The following BRD4 variants were observed in gnomAD, a reference collection of about 807,000 sequenced individuals.
BRD4 encodes the protein bromodomain containing 4.
BRD4 carries 16 observed loss-of-function variants against 142.1 expected under a neutral mutation model. That is an observed-to-expected ratio of 0.11 (90% CI 0.08 to 0.17). The LOEUF is 0.17. BRD4 is among the 10% of genes least tolerant of loss of function. BRD4 has a pLI of 1.00. For missense variants in BRD4, 1,424 were observed against 1,810.9 expected (o/e 0.79, Z 3.88); for synonymous variants, 833 against 707.5 (o/e 1.18, Z -2.82).
At chr19:15,298,780 C>G (rs1483880323) in intron 1 of BRD4, among the ~76,000 whole-genome samples, 1 of 152,036 alleles carries the variant, frequency 6.6e-6, no homozygotes, top group African/African-American at 2.4e-5. Context: ...TTCCCACAAC[C>G]AGAAAATCAG....
chr19:15,239,327 G>A lies in BRD4; in HGVS notation c.3577-63C>T, dbSNP rs775025837. The A allele has an allele frequency of 6.2e-7, 1 of 1,614,074 alleles. No homozygotes were observed. The highest frequency in any genetic ancestry group is 2.2e-5 in the East Asian group (1 of 44,860). ...CTGTGCCTAAAGGGCATAGCTGGGG[G>A]TGTGCCCAGCATGGCACCTTCCAGG... On this transcript the variant is annotated intron_variant, in intron 17 of 19. Transcript: ENST00000679869. The surrounding 1 kb of genome is among the most constrained non-coding windows in gnomAD (Gnocchi z 7.4).
intron 1 of BRD4, among the ~76,000 whole-genome samples, chr19:15,325,384 G>A (rs1599533245): frequency 6.6e-6 from 1 of 152,166 alleles, no homozygotes; most frequent in African/African-American, 2.4e-5. Flanking sequence ...CCTCCCTAGA[G>A]CATTCCAGTT....
At chr19:15,278,474 G>A (rs2047673322) in intron 1 of BRD4, among the ~76,000 whole-genome samples, 1 of 146,660 alleles carries the variant, frequency 6.8e-6, no homozygotes, top group Non-Finnish European at 1.5e-5. Context: ...GGTGGAGGTT[G>A]CAGTGAGCAG....
At chr19:15,259,234 A>G (rs1202626757) in intron 7 of BRD4, among the ~76,000 whole-genome samples, 2 of 152,168 alleles carry the variant, frequency 1.3e-5, no homozygotes, top group East Asian at 3.9e-4. Context: ...TGGGCCTCAG[A>G]AGTGCCAGGA....
At chr19:15,325,546 C>G (rs922621002) in intron 1 of BRD4, among the ~76,000 whole-genome samples, 2 of 152,188 alleles carry the variant, frequency 1.3e-5, no homozygotes, top group African/African-American at 2.4e-5. Context: ...ATTTTGTTTT[C>G]ATACATCATC....
At chr19:15,253,817 C>T (rs746840452) in intron 11 of BRD4, 3 of 1,551,474 alleles carry the variant, frequency 1.9e-6, no homozygotes, top group Non-Finnish European at 1.7e-6. Context: ...AACAGCACAG[C>T]CTGGACCCCC....
At chr19:15,284,673 G>A (rs768320749) in intron 1 of BRD4, among the ~76,000 whole-genome samples, 1 of 152,188 alleles carries the variant, frequency 6.6e-6, no homozygotes, top group Non-Finnish European at 1.5e-5. Context: ...CACATTCAGT[G>A]TCTACTTCTG....
rs2047268977 is a variant in BRD4 at position 15,244,607 on chromosome 19, A to T, written c.2212-7T>A. On this transcript the variant is annotated splice_polypyrimidine_tract_variant and splice_region_variant and intron_variant, in intron 12 of 19. Transcript: ENST00000679869. The stretch of plus-strand genomic sequence containing the variant: ...GATGGTGGTGATGATGGTGCTGCAG[A>T]CAGAGAGACAGACAGACAGACAGGC... 1 of 1,612,716 alleles carries T rather than the reference A, an allele frequency of 6.2e-7. No homozygotes were observed. Among genetic ancestry groups the T allele is most frequent in the African/African-American group, 1.3e-5 (1 of 74,882 alleles).
chr19:15,305,625 T>A (rs1254837820), intron 1 of BRD4, among the ~76,000 whole-genome samples: 1 of 152,220 alleles, frequency 6.6e-6, no homozygotes, highest in Non-Finnish European at 1.5e-5. Context: ...GCAGAGTAGA[T>A]TTAGCATAAT....
chr19:15,281,796 T>C (rs973667021), intron 1 of BRD4, among the ~76,000 whole-genome samples: 5 of 152,118 alleles, frequency 3.3e-5, no homozygotes, highest in African/African-American at 7.2e-5. Flanking sequence ...GGCGGGTGGA[T>C]TGCCTGAGTT....
At position 15,238,401 on chromosome 19, in the gene BRD4, T is replaced by C; in HGVS notation, c.4065A>G (p.Ser1355=). Residue 1355 remains serine (S), a synonymous_variant, in exon 20 of 20, where the codon TCA becomes TCG. Transcript: ENST00000679869. The surrounding 1 kb of genome is among the most constrained non-coding windows in gnomAD (Gnocchi z 7.2). ...CTCAGAAAAGATTTTCTTCAAATAT[T>C]GACAATAGATCACTCTGGAAATTCA... The part of the protein sequence containing the change: ...IDMNFQSDLL[S]IFEENLF The C allele has an allele frequency of 1.2e-6, 2 of 1,614,106 alleles. No individual in the cohort carries two copies. The highest frequency in any genetic ancestry group is 1.1e-5 in the South Asian group (1 of 91,084).
intron 1 of BRD4, among the ~76,000 whole-genome samples, chr19:15,312,537 CAGG>C (rs2047980695): frequency 6.6e-6 from 1 of 152,092 alleles, no homozygotes; most frequent in Non-Finnish European, 1.5e-5. Context: ...GAGGCTGAGG[CAGG>C]AGAATTGCTT....
chr19:15,306,849 T>A (rs2047918402), intron 1 of BRD4, among the ~76,000 whole-genome samples: 2 of 152,104 alleles, frequency 1.3e-5, no homozygotes, highest in African/African-American at 4.8e-5. Flanking sequence ...TCACGAATCA[T>A]AACAGATATA....
rs201096850 is a variant in BRD4 at position 15,237,881 on chromosome 19, C to T, written c.*496G>A. 44 of 237,428 alleles carry T rather than the reference C, an allele frequency of 1.9e-4. No homozygotes were observed. Among genetic ancestry groups the T allele is most frequent in the African/African-American group, 5.7e-4 (26 of 45,300 alleles). 14.7% of individuals were successfully genotyped at this position (237,428 alleles called of 1,614,324 possible). A position where few individuals can be genotyped will look rare whatever the true frequency, so the allele number is the denominator to read the frequency against. On this transcript the variant is annotated 3_prime_UTR_variant, in exon 20 of 20. Coordinates refer to ENST00000679869, the MANE Select transcript of BRD4 (RefSeq NM_001379291.1). ...AGTCAGTGCCAGCGAGGGGGTGGGC[C>T]GGCCTCGCCCGCCTCCAGCCCACGC...
At chr19:15,282,317 C>T (rs1292936632) in intron 1 of BRD4, among the ~76,000 whole-genome samples, 1 of 152,178 alleles carries the variant, frequency 6.6e-6, no homozygotes, top group Non-Finnish European at 1.5e-5. Context: ...TGTGATGTTA[C>T]ATCAGAAATG....
chr19:15,325,155 C>T (rs144868410), intron 1 of BRD4, among the ~76,000 whole-genome samples: 202 of 152,308 alleles, frequency 1.3e-3, no homozygotes, highest in African/African-American at 4.5e-3. Flanking sequence ...TGCTGTGTGT[C>T]CTCTAAGGCA....
Position 15,247,632 on chromosome 19 carries a change from A to G in BRD4, c.2159-2870T>C, listed in dbSNP as rs138125587. On this transcript the variant is annotated intron_variant, in intron 11 of 19. Coordinates refer to ENST00000679869, the MANE Select transcript of BRD4 (RefSeq NM_001379291.1). ...TGGTAATCAGGCTGCCATTTGGTCC[A>G]AGAAAGCAGAATCTTCCCAGAAAGA... is the stretch of plus-strand genomic sequence containing the variant. 300 of 233,026 alleles carry G rather than the reference A, an allele frequency of 1.3e-3. 1 individual carries two copies. Among genetic ancestry groups the G allele is most frequent in the Middle Eastern group, 2.5e-3 (2 of 786 alleles). 14.4% of individuals were successfully genotyped at this position (233,026 alleles called of 1,614,324 possible).
Position 15,249,027 on chromosome 19 carries a change from C to A in BRD4, c.2159-4265G>T, listed in dbSNP as rs2047316968. 6 of 572,622 alleles carry A rather than the reference C, an allele frequency of 1.0e-5. No homozygotes were observed. In the South Asian group the frequency reaches 1.3e-4, roughly 12 times the overall value. 35.5% of individuals were successfully genotyped at this position (572,622 alleles called of 1,614,324 possible). Reference sequence around the variant, plus strand: ...ACCCCAGAGAACCAGGAAGGCTGGGCAGGACAGCCAGGCAGTCTTTACACA... The same window carrying A: ...ACCCCAGAGAACCAGGAAGGCTGGGAAGGACAGCCAGGCAGTCTTTACACA... On this transcript the variant is annotated intron_variant, in intron 11 of 19. Coordinates refer to ENST00000679869, the MANE Select transcript of BRD4 (RefSeq NM_001379291.1).
At chr19:15,263,367 A>T in intron 7 of BRD4, 53 bp downstream of exon 7, 1 of 1,584,602 alleles carries the variant, frequency 6.3e-7, no homozygotes, top group Non-Finnish European at 8.6e-7. Context: ...GTCTGCTCCC[A>T]CGAGGACCTC....
Sources: gnomAD v4.1 joint callset for allele counts (sites outside exome capture counted in the v4.1 genomes callset) on GRCh38, gnomAD v4.1.1 for gene constraint, Gnocchi (gnomAD v3.1) non-coding constraint, MANE v1.5 for transcripts, NCBI Gene and HGNC (gene_info 2026-07-23, HGNC 2026-07-21) for gene names.